UNC79: variants seen among roughly 807,000 people sequenced by gnomAD.
UNC79 encodes unc-79 subunit of NALCN channel complex, also known as protein unc-79 homolog.
In UNC79, 37 loss-of-function variants were observed where a neutral mutation model predicts 283.1. The ratio of observed to expected loss-of-function variants is 0.13; its 90% CI spans 0.10 to 0.17. UNC79 has a LOEUF of 0.17. Ranked by LOEUF, UNC79 falls within the 10% of genes least tolerant of loss-of-function variation. The pLI is 1.00. For missense variants in UNC79, 2,272 were observed against 3,211.1 expected (o/e 0.71, Z 7.07); for synonymous variants, 1,107 against 1,200.2 (o/e 0.92, Z 1.61).
At chr14:93,553,411 G>T (rs2061996471) in intron 14 of UNC79, among the ~76,000 whole-genome samples, 1 of 152,140 alleles carries the variant, frequency 6.6e-6, no homozygotes, top group African/African-American at 2.4e-5. Flanking sequence ...CTCCAAGAGG[G>T]TCTTACAAGT....
At chr14:93,495,400 A>G (rs557065850) in intron 5 of UNC79, among the ~76,000 whole-genome samples, 1 of 152,176 alleles carries the variant, frequency 6.6e-6, no homozygotes, top group African/African-American at 2.4e-5. Context: ...CGGGAACAGC[A>G]TGGGGCAAAC....
At chr14:93,554,392 T>A (rs1029092014) in intron 14 of UNC79, among the ~76,000 whole-genome samples, 3 of 151,982 alleles carry the variant, frequency 2.0e-5, no homozygotes, top group African/African-American at 7.2e-5. Context: ...CTCTTTTTCC[T>A]GTAGGCGAAT....
intron 1 of UNC79, among the ~76,000 whole-genome samples, chr14:93,408,725 C>G (rs1187491226): frequency 2.6e-5 from 4 of 152,034 alleles, no homozygotes; most frequent in East Asian, 1.9e-4. Context: ...AATAAAAATA[C>G]CATATCAATA....
At chr14:93,386,367 G>T (rs2054774594) in intron 1 of UNC79, among the ~76,000 whole-genome samples, 1 of 152,060 alleles carries the variant, frequency 6.6e-6, no homozygotes, top group Non-Finnish European at 1.5e-5. Context: ...GTTGAATTTG[G>T]TTTGCTAGCA....
At chr14:93,616,691 T>G (rs1205152546) in intron 27 of UNC79, among the ~76,000 whole-genome samples, 1 of 152,120 alleles carries the variant, frequency 6.6e-6, no homozygotes, top group Non-Finnish European at 1.5e-5. Context: ...TGAATATATA[T>G]TACTAAATTG....
At chr14:93,342,993 T>C (rs142553611) in intron 1 of UNC79, among the ~76,000 whole-genome samples, 2 of 152,316 alleles carry the variant, frequency 1.3e-5, no homozygotes, top group African/African-American at 4.8e-5. Flanking sequence ...TATCATACTA[T>C]CAGTATTTTG....
intron 1 of UNC79, among the ~76,000 whole-genome samples, chr14:93,359,827 G>A (rs2054183185): frequency 6.6e-6 from 1 of 152,176 alleles, no homozygotes; most frequent in Non-Finnish European, 1.5e-5. Flanking sequence ...TCTCTTTGAG[G>A]AAGGACCCCA....
At position 93,531,273 on chromosome 14, in the gene UNC79, G is replaced by A. The variant is rs1444050424; in HGVS notation, c.1094-1277G>A. ...TTATACAAAACCAGTTTTTAAACATGAGTTGTAAATTTTGTTGCTTTTTCA... is the reference window on the plus strand; with the variant it reads ...TTATACAAAACCAGTTTTTAAACATAAGTTGTAAATTTTGTTGCTTTTTCA... On this transcript the variant is annotated intron_variant, in intron 10 of 48. Transcript: ENST00000555664. The surrounding 1 kb of genome is among the most constrained non-coding windows in gnomAD (Gnocchi z 4.2). 2.0e-5 allele frequency among the ~76,000 whole-genome samples: 3 copies of A among 152,130 alleles called. No homozygotes were observed. Among genetic ancestry groups the A allele is most frequent in the African/African-American group, 7.2e-5 (3 of 41,424 alleles).
intron 45 of UNC79, 119 bp from the exon 49 acceptor site, chr14:93,691,630 G>A: frequency 2.0e-6 from 2 of 993,904 alleles, no homozygotes; most frequent in Non-Finnish European, 3.1e-6. Flanking sequence ...CTGAGATAAC[G>A]TTATGCCTTT....
chr14:93,638,895 G>T lies in UNC79; in HGVS notation c.5800+1596G>T, dbSNP rs574450017. Among the ~76,000 whole-genome samples the T allele has an allele frequency of 3.9e-5, 6 of 152,194 alleles. No homozygotes were observed. The South Asian group carries it at 1.2e-3, about 32-fold the overall frequency. On this transcript the variant is annotated intron_variant, in intron 32 of 48. Transcript: ENST00000555664. The stretch of plus-strand genomic sequence containing the variant: ...TCCTACTTCAGTAGCAATATTTAGC[G>T]ATCCATTGATTCAGCCAGTGTTGCC...
At chr14:93,440,218 T>C (rs2056242211) in intron 1 of UNC79, among the ~76,000 whole-genome samples, 1 of 151,096 alleles carries the variant, frequency 6.6e-6, no homozygotes, top group South Asian at 2.1e-4. Context: ...CATCCAAGGA[T>C]TTTGGTACCT....
At chr14:93,662,529 A>G in intron 39 of UNC79, 75 bp from the exon 43 acceptor site, 1 of 1,029,948 alleles carries the variant, frequency 9.7e-7, no homozygotes, top group South Asian at 1.8e-5. Context: ...TAGTTAAAGT[A>G]TCATAAGATT....
intron 23 of UNC79, among the ~76,000 whole-genome samples, chr14:93,596,784 G>A (rs2065116493): frequency 6.6e-6 from 1 of 152,190 alleles, no homozygotes; most frequent in Admixed American, 6.5e-5. Flanking sequence ...AAGTGTGGAT[G>A]GAATTGTTTA....
At chr14:93,347,521 C>T in intron 1 of UNC79, 10 of 1,154,160 alleles carry the variant, frequency 8.7e-6, no homozygotes, top group Non-Finnish European at 1.1e-5. Context: ...GGCTTGGTCG[C>T]CGTTGGGGGA....
At chr14:93,530,322 G>A (rs1466649039) in intron 10 of UNC79, among the ~76,000 whole-genome samples, 1 of 152,192 alleles carries the variant, frequency 6.6e-6, no homozygotes, top group Admixed American at 6.5e-5. Flanking sequence ...TGTAATTCCA[G>A]TACTTTGGGA....
intron 1 of UNC79, among the ~76,000 whole-genome samples, chr14:93,454,194 A>G (rs1418056495): frequency 1.3e-5 from 2 of 151,896 alleles, no homozygotes; most frequent in East Asian, 3.9e-4. Context: ...AGGTATCACC[A>G]TGACACTTGG....
intron 38 of UNC79, among the ~76,000 whole-genome samples, chr14:93,658,803 A>T (rs1045821314): frequency 2.3e-4 from 35 of 152,260 alleles, no homozygotes; most frequent in African/African-American, 8.4e-4. Context: ...TTAGAATTAG[A>T]TACATTTAAT....
chr14:93,407,594 C>A (rs1566916994), intron 1 of UNC79, among the ~76,000 whole-genome samples: 2 of 152,078 alleles, frequency 1.3e-5, no homozygotes, highest in Non-Finnish European at 2.9e-5. Flanking sequence ...AACTACCAGG[C>A]CTTATCTGTG....
chr14:93,349,385 G>T (rs2053937044), intron 1 of UNC79, among the ~76,000 whole-genome samples: 1 of 152,184 alleles, frequency 6.6e-6, no homozygotes, highest in Non-Finnish European at 1.5e-5. Flanking sequence ...ACCTGGGGCA[G>T]TTACAGCAGG....
Sources: gnomAD v4.1 joint callset for allele counts (sites outside exome capture counted in the v4.1 genomes callset) on GRCh38, gnomAD v4.1.1 for gene constraint, Gnocchi (gnomAD v3.1) non-coding constraint, MANE v1.5 for transcripts, NCBI Gene and HGNC (gene_info 2026-07-23, HGNC 2026-07-21) for gene names.